The following ZBTB6 variants were observed in gnomAD, a reference collection of about 807,000 sequenced individuals.
The protein encoded by ZBTB6 is zinc finger and BTB domain-containing protein 6.
ZBTB6 carries 11 observed loss-of-function variants against 30.6 expected under a neutral mutation model. The observed-to-expected ratio is 0.36, with a 90% CI of 0.23 to 0.60. The LOEUF is 0.60. Among genes scored for constraint, ZBTB6 ranks in the 20% least tolerant of loss-of-function variants. The pLI, the probability that ZBTB6 is intolerant of heterozygous loss-of-function variation, is 0.75. For missense variants in ZBTB6, 380 were observed against 489.4 expected (o/e 0.78, Z 2.11); for synonymous variants, 174 against 172.0 (o/e 1.01, Z -0.09).
chr9:122,911,100 G>C lies in ZBTB6; in HGVS notation c.973C>G (p.Leu325Val). 6.2e-7 allele frequency: 1 copy of C among 1,614,204 alleles called. No individual in the cohort carries two copies. Among genetic ancestry groups the C allele is most frequent in the African/African-American group, 1.3e-5 (1 of 75,048 alleles). ...TTTCCGCACTGTAAGCATAAGAATA[G>C]TTTATGCATTTTAAGGTGGCGCAGA... ...NYLRHLKMHK[L>V]FLCLQCGKTF... The change falls in exon 2 of 2, where the codon CTA becomes GTA. Residue 325 changes from leucine to valine, a missense_variant. By Grantham distance (32) the Leu-to-Val change is conservative (BLOSUM62 1). Coordinates refer to ENST00000373659, the MANE Select transcript of ZBTB6 (RefSeq NM_006626.6). This position sits in a 1 kb window ranked among gnomAD's most constrained non-coding sequence, Gnocchi z 4.5.
In ZBTB6 at chr9:122,910,210, G is replaced by T. The variant is rs1832938371; in HGVS notation, c.*588C>A. 1 of 152,120 alleles carries T rather than the reference G, an allele frequency of 6.6e-6. No homozygotes were observed. Among genetic ancestry groups the T allele is most frequent in the Admixed American group, 6.6e-5 (1 of 15,264 alleles). 9.4% of individuals were successfully genotyped at this position (152,120 alleles called of 1,614,324 possible). A position where few individuals can be genotyped will look rare whatever the true frequency, so the allele number is the denominator to read the frequency against. On this transcript the variant is annotated 3_prime_UTR_variant, in exon 2 of 2. Coordinates refer to ENST00000373659, the MANE Select transcript of ZBTB6 (RefSeq NM_006626.6). The stretch of plus-strand genomic sequence containing the variant: ...GGCATGGAAATAAAAGTATTTTAAG[G>T]ATTATTAACCCTGTATAAAAAAATT...
chr9:122,911,373 G>C lies in ZBTB6; in HGVS notation c.700C>G (p.Gln234Glu). 1 of 1,614,050 alleles carries C rather than the reference G, an allele frequency of 6.2e-7. No individual in the cohort carries two copies. The highest frequency in any genetic ancestry group is 8.5e-7 in the Non-Finnish European group (1 of 1,180,024). Residue 234 changes from glutamine to glutamate, a missense_variant, in exon 2 of 2, where the codon CAG becomes GAG. Transcript: ENST00000373659. This position sits in a 1 kb window ranked among gnomAD's most constrained non-coding sequence, Gnocchi z 4.5. ...SISTAGVENG[Q>E]FSQPCTSSKA... ...GAAGAGGTACAAGGCTGTGAAAACT[G>C]CCCATTTTCGACACCAGCTGTACTG...
In ZBTB6 at chr9:122,910,489, C is replaced by T. The variant is rs188644420; in HGVS notation, c.*309G>A. On this transcript the variant is annotated 3_prime_UTR_variant, in exon 2 of 2. Coordinates refer to ENST00000373659, the MANE Select transcript of ZBTB6 (RefSeq NM_006626.6). ...AATCAATTACCTAGAGACTCCAAATCGGAATCTGCAAATACTGCTGGATCC... is the reference window on the plus strand; with the variant it reads ...AATCAATTACCTAGAGACTCCAAATTGGAATCTGCAAATACTGCTGGATCC... 1.8e-3 allele frequency: 405 copies of T among 226,222 alleles called. 1 individual carries two copies. The highest frequency in any genetic ancestry group is 3.1e-3 in the Admixed American group (62 of 19,684). The allele number at this position is 226,222 out of a possible 1,614,324, so 14.0% of individuals were successfully genotyped here.
rs1362417151 is a variant in ZBTB6 at position 122,910,514 on chromosome 9, C to G, written c.*284G>C. The stretch of plus-strand genomic sequence containing the variant: ...CGGAATCTGCAAATACTGCTGGATC[C>G]TTTGTCACTAGAATCAAGAATATAT... On this transcript the variant is annotated 3_prime_UTR_variant, in exon 2 of 2. Coordinates refer to ENST00000373659, the MANE Select transcript of ZBTB6 (RefSeq NM_006626.6). 4 of 271,478 alleles carry G rather than the reference C, an allele frequency of 1.5e-5. No homozygotes were observed. Among genetic ancestry groups the G allele is most frequent in the African/African-American group, 8.8e-5 (4 of 45,412 alleles). The allele number at this position is 271,478 out of a possible 1,614,324, so 16.8% of individuals were successfully genotyped here.
Position 122,913,273 on chromosome 9 carries a change from G to A in ZBTB6, c.-32C>T. On this transcript the variant is annotated 5_prime_UTR_variant, in exon 1 of 2. Transcript: ENST00000373659. ...CACCGACTCAGAAAACTAGAGTCAA[G>A]GATTCCGCGGCAGCGTCTGCCCAAG... 3.0e-6 allele frequency: 3 copies of A among 986,012 alleles called. No homozygotes were observed. The highest frequency in any genetic ancestry group is 3.6e-6 in the Non-Finnish European group (3 of 830,006). 61.1% of individuals were successfully genotyped at this position (986,012 alleles called of 1,614,324 possible). A position where few individuals can be genotyped will look rare whatever the true frequency, so the allele number is the denominator to read the frequency against.
At chr9:122,912,960 C>G (rs980416531) in intron 1 of ZBTB6, among the ~76,000 whole-genome samples, 1 of 152,240 alleles carries the variant, frequency 6.6e-6, no homozygotes, top group African/African-American at 2.4e-5. Flanking sequence ...AGAGAGTCAG[C>G]TGCTCTCTGA....
rs1832921276 is a variant in ZBTB6 at position 122,908,287 on chromosome 9, G to C, written c.*2511C>G. 1 of 152,098 alleles carries C rather than the reference G, an allele frequency of 6.6e-6. No individual in the cohort carries two copies. The highest frequency in any genetic ancestry group is 2.4e-5 in the African/African-American group (1 of 41,384). 9.4% of individuals were successfully genotyped at this position (152,098 alleles called of 1,614,324 possible). ...GTTAAATGAATAAATTCTATACTTT[G>C]TCATACCTGAACTTTAAAAAAAGAT... On this transcript the variant is annotated 3_prime_UTR_variant, in exon 2 of 2. Coordinates refer to ENST00000373659, the MANE Select transcript of ZBTB6 (RefSeq NM_006626.6).
At position 122,910,910 on chromosome 9, in the gene ZBTB6, T is replaced by A; in HGVS notation, c.1163A>T (p.Asp388Val). The change falls in exon 2 of 2, where the codon GAT (aspartate) becomes GTT (valine). Residue 388 changes from aspartate (D) to valine (V), a missense_variant. Transcript: ENST00000373659. ...GDRPYKCHCC[D>V]MDFKHKSALK... ...AGCAGACTTGTGCTTGAAATCCATA[T>A]CACAACAGTGGCATTTGTATGGCCG... The A allele has an allele frequency of 1.9e-6, 3 of 1,614,182 alleles. No homozygotes were observed. Among genetic ancestry groups the A allele is most frequent in the Non-Finnish European group, 2.5e-6 (3 of 1,180,020 alleles).
In ZBTB6 at chr9:122,910,773, T is replaced by C; in HGVS notation, c.*25A>G. The C allele has an allele frequency of 6.4e-7, 1 of 1,570,408 alleles. No homozygotes were observed. The highest frequency in any genetic ancestry group is 8.7e-7 in the Non-Finnish European group (1 of 1,152,110). Reference sequence around the variant, plus strand: ...CTTGCGTAATAGAATAATACAAACTTTATATAACAAGTCTGTGATTATAAT... The same window carrying C: ...CTTGCGTAATAGAATAATACAAACTCTATATAACAAGTCTGTGATTATAAT... On this transcript the variant is annotated 3_prime_UTR_variant, in exon 2 of 2. Transcript: ENST00000373659.
chr9:122,912,501 C>A (rs1739364308), intron 1 of ZBTB6, among the ~76,000 whole-genome samples: 3 of 152,176 alleles, frequency 2.0e-5, no homozygotes, highest in Non-Finnish European at 2.9e-5. Context: ...CCCACCACTA[C>A]AACAGGTCCT....
rs1362595894 is a variant in ZBTB6 at position 122,908,869 on chromosome 9, C to G, written c.*1929G>C. The G allele has an allele frequency of 1.3e-5, 2 of 152,146 alleles. No homozygotes were observed. Among genetic ancestry groups the G allele is most frequent in the Admixed American group, 1.3e-4 (2 of 15,274 alleles). The allele number at this position is 152,146 out of a possible 1,614,324, so 9.4% of individuals were successfully genotyped here. A position where few individuals can be genotyped will look rare whatever the true frequency, so the allele number is the denominator to read the frequency against. ...TTAAGTAACAAAGTTCATAAAGACA[C>G]AAAACCGTCCTCTCTTGCTTTCCCC... On this transcript the variant is annotated 3_prime_UTR_variant, in exon 2 of 2. Coordinates refer to ENST00000373659, the MANE Select transcript of ZBTB6 (RefSeq NM_006626.6).
In ZBTB6 at chr9:122,908,348, AACAG is replaced by A. The variant is rs1832922104; in HGVS notation, c.*2446_*2449del. 1 of 152,574 alleles carries A rather than the reference AACAG, an allele frequency of 6.6e-6. No individual in the cohort carries two copies. The highest frequency in any genetic ancestry group is 1.5e-5 in the Non-Finnish European group (1 of 68,024). The allele number at this position is 152,574 out of a possible 1,614,324, so 9.5% of individuals were successfully genotyped here. On this transcript the variant is annotated 3_prime_UTR_variant, in exon 2 of 2. Coordinates refer to ENST00000373659, the MANE Select transcript of ZBTB6 (RefSeq NM_006626.6). Reference sequence around the variant, plus strand: ...TGAAAATTTTTAGACATATCATGCAAACAGACACTCTCCTAGGAATGTTTGGAGA... The same window carrying A: ...TGAAAATTTTTAGACATATCATGCAAACACTCTCCTAGGAATGTTTGGAGA...
Position 122,911,522 on chromosome 9 carries a change from T to C in ZBTB6, c.551A>G (p.Asn184Ser), listed in dbSNP as rs780307294. ...ACTCTCTACTGTAGACTGCAAAGCATTGCTTTCCTCTTCTTTAACATGGAA... is the reference window on the plus strand; with the variant it reads ...ACTCTCTACTGTAGACTGCAAAGCACTGCTTTCCTCTTCTTTAACATGGAA... ...IDFHVKEEES[N>S]ALQSTVESLT... Residue 184 changes from asparagine (N) to serine (S), a missense_variant, in exon 2 of 2, where the codon AAT (asparagine) becomes AGT (serine). Physicochemically the swap from Asn to Ser is conservative, Grantham distance 46. Transcript: ENST00000373659. The surrounding 1 kb of genome is among the most constrained non-coding windows in gnomAD (Gnocchi z 4.5). 2 of 1,614,124 alleles carry C rather than the reference T, an allele frequency of 1.2e-6. No individual in the cohort carries two copies. The highest frequency in any genetic ancestry group is 1.7e-6 in the Non-Finnish European group (2 of 1,180,030).
At position 122,908,182 on chromosome 9, in the gene ZBTB6, A is replaced by C. The variant is rs1273479319; in HGVS notation, c.*2616T>G. Reference sequence around the variant, plus strand: ...TACCTTTTCAAGATCTTTTATATGTAAATGGAGTAAATGAAGAGGCTGAAC... The same window carrying C: ...TACCTTTTCAAGATCTTTTATATGTCAATGGAGTAAATGAAGAGGCTGAAC... On this transcript the variant is annotated 3_prime_UTR_variant, in exon 2 of 2. Coordinates refer to ENST00000373659, the MANE Select transcript of ZBTB6 (RefSeq NM_006626.6). 1 of 152,224 alleles carries C rather than the reference A, an allele frequency of 6.6e-6. No homozygotes were observed. The highest frequency in any genetic ancestry group is 2.4e-5 in the African/African-American group (1 of 41,464). 9.4% of individuals were successfully genotyped at this position (152,224 alleles called of 1,614,324 possible). A position where few individuals can be genotyped will look rare whatever the true frequency, so the allele number is the denominator to read the frequency against.
chr9:122,912,639 A>G (rs1389665771), intron 1 of ZBTB6, among the ~76,000 whole-genome samples: 1 of 151,828 alleles, frequency 6.6e-6, no homozygotes, highest in Non-Finnish European at 1.5e-5. Flanking sequence ...TTTATTTTTA[A>G]TTTCCCTTTT....
rs1483991757 is a variant in ZBTB6 at position 122,910,121 on chromosome 9, T to A, written c.*677A>T. On this transcript the variant is annotated 3_prime_UTR_variant, in exon 2 of 2. Coordinates refer to ENST00000373659, the MANE Select transcript of ZBTB6 (RefSeq NM_006626.6). ...TGGCCACAAAATTATTAAATCCGAT[T>A]GTATTAAATAAAATCAAGAAACTCG... 6.6e-6 allele frequency: 1 copy of A among 152,216 alleles called. No homozygotes were observed. The highest frequency in any genetic ancestry group is 1.5e-5 in the Non-Finnish European group (1 of 68,044). 9.4% of individuals were successfully genotyped at this position (152,216 alleles called of 1,614,324 possible).
In ZBTB6 at chr9:122,909,121, A is replaced by G. The variant is rs1276861024; in HGVS notation, c.*1677T>C. The stretch of plus-strand genomic sequence containing the variant: ...CAAGGAAAGTTAAAATTCAGTGGAG[A>G]ATGTCTTTCCCACAAAATTGTCAAA... On this transcript the variant is annotated 3_prime_UTR_variant, in exon 2 of 2. Transcript: ENST00000373659. 1 of 152,232 alleles carries G rather than the reference A, an allele frequency of 6.6e-6. No individual in the cohort carries two copies. The highest frequency in any genetic ancestry group is 1.5e-5 in the Non-Finnish European group (1 of 68,034). 9.4% of individuals were successfully genotyped at this position (152,232 alleles called of 1,614,324 possible).
rs1588125734 is a variant in ZBTB6, at chr9:122,909,512, A to C, written c.*1286T>G. ...ATGACTCTCGCTAAAATAATCATAC[A>C]GTCATAGTTTTCCTTTTGGCATATT... On this transcript the variant is annotated 3_prime_UTR_variant, in exon 2 of 2. Coordinates refer to ENST00000373659, the MANE Select transcript of ZBTB6 (RefSeq NM_006626.6). 2.6e-5 allele frequency: 4 copies of C among 152,358 alleles called. No homozygotes were observed. The highest frequency in any genetic ancestry group is 2.6e-4 in the Admixed American group (4 of 15,304). 9.4% of individuals were successfully genotyped at this position (152,358 alleles called of 1,614,324 possible). A position where few individuals can be genotyped will look rare whatever the true frequency, so the allele number is the denominator to read the frequency against.
intron 1 of ZBTB6, 70 bp from the exon 2 acceptor site, chr9:122,912,151 A>C (rs1453521817): frequency 3.4e-5 from 50 of 1,458,474 alleles, no homozygotes; most frequent in Non-Finnish European, 4.2e-5. Context: ...GTAATGGTGA[A>C]AACAAACGAA....
Sources: allele counts gnomAD v4.1 joint callset (sites outside exome capture counted in the v4.1 genomes callset), GRCh38; gene constraint gnomAD v4.1.1; non-coding constraint Gnocchi (gnomAD v3.1); transcripts MANE v1.5; gene names NCBI Gene and HGNC (gene_info 2026-07-23, HGNC 2026-07-21).